PPM1E: variants seen among roughly 807,000 people sequenced by gnomAD.
PPM1E encodes the protein protein phosphatase, Mg2+/Mn2+ dependent 1E, also known as protein phosphatase 1E.
Under a neutral mutation model 65.9 loss-of-function variants are expected in PPM1E, and 20 were observed. The ratio of observed to expected loss-of-function variants is 0.30; its 90% CI spans 0.21 to 0.44. PPM1E has a LOEUF of 0.44. Among genes scored for constraint, PPM1E ranks in the 20% least tolerant of loss-of-function variants. The probability of loss-of-function intolerance (pLI) is 1.00; values close to 1 mark genes in which losing one functional copy is unlikely to be tolerated. For synonymous variants in PPM1E, 352 were observed against 374.9 expected (o/e 0.94, Z 0.70); for missense variants, 713 against 953.1 (o/e 0.75, Z 3.32).
chr17:58,838,581 A>C (rs1391324871), intron 1 of PPM1E, among the ~76,000 whole-genome samples: 1 of 152,264 alleles, frequency 6.6e-6, no homozygotes, highest in Admixed American at 6.5e-5. Flanking sequence ...AAAATGATAT[A>C]GCCACTTTGG....
intron 3 of PPM1E, 136 bp downstream of exon 3, chr17:58,966,029 T>C: frequency 1.1e-6 from 1 of 884,106 alleles, no homozygotes; most frequent in Non-Finnish European, 1.7e-6. Context: ...AAGTGCAAAG[T>C]GGCACAAATT....
chr17:58,778,044 C>A (rs1021261514), intron 1 of PPM1E, among the ~76,000 whole-genome samples: 3 of 152,120 alleles, frequency 2.0e-5, no homozygotes, highest in African/African-American at 7.2e-5. Flanking sequence ...GTCTTCCCAT[C>A]TCAGCCTCCT....
intron 1 of PPM1E, among the ~76,000 whole-genome samples, chr17:58,792,052 A>G (rs1196097321): frequency 6.6e-6 from 1 of 151,176 alleles, no homozygotes; most frequent in Admixed American, 6.6e-5. Context: ...TGTTTCTCCC[A>G]TTTTCTAGGG....
chr17:58,974,764 A>C (rs2030889382), intron 6 of PPM1E, among the ~76,000 whole-genome samples: 2 of 152,208 alleles, frequency 1.3e-5, no homozygotes, highest in Admixed American at 1.3e-4. Flanking sequence ...AACATGAAGA[A>C]AATCTGAAAG....
intron 1 of PPM1E, among the ~76,000 whole-genome samples, chr17:58,837,749 C>T (rs554077582): frequency 8.5e-5 from 13 of 152,116 alleles, no homozygotes; most frequent in Non-Finnish European, 1.3e-4. Flanking sequence ...CCACCCGCCT[C>T]GGCCTCCTGG....
intron 1 of PPM1E, among the ~76,000 whole-genome samples, chr17:58,890,034 A>G (rs1168453068): frequency 1.3e-5 from 2 of 152,192 alleles, no homozygotes; most frequent in Admixed American, 6.5e-5. Context: ...TACATTAGTT[A>G]TGTTCCGTAA....
chr17:58,892,299 C>T lies in PPM1E; in HGVS notation c.465-63350C>T, dbSNP rs1400721189. Among the ~76,000 whole-genome samples, 3 of 152,104 alleles carry T rather than the reference C, an allele frequency of 2.0e-5. No individual in the cohort carries two copies. The East Asian group carries it at 5.8e-4, about 29-fold the overall frequency. ...TAATTTTGAAATATTTCAAGGCCGG[C>T]ATGGTGGCTCATGCCTATAATCCTA... On this transcript the variant is annotated intron_variant, in intron 1 of 6. Coordinates refer to ENST00000308249, the MANE Select transcript of PPM1E (RefSeq NM_014906.5).
chr17:58,967,253 A>C (rs1186546789), intron 3 of PPM1E, among the ~76,000 whole-genome samples: 1 of 152,174 alleles, frequency 6.6e-6, no homozygotes, highest in Non-Finnish European at 1.5e-5. Context: ...AATGCAGAAA[A>C]GTCTTAGGCA....
intron 3 of PPM1E, chr17:58,966,577 G>A (rs1484658851): frequency 1.2e-5 from 2 of 172,102 alleles, no homozygotes; most frequent in Non-Finnish European, 2.4e-5. Context: ...TTAAAATCTT[G>A]GTCTCTGAGA....
chr17:58,765,824 A>G (rs1011256629), intron 1 of PPM1E, among the ~76,000 whole-genome samples: 8 of 149,842 alleles, frequency 5.3e-5, no homozygotes, highest in African/African-American at 1.7e-4. Flanking sequence ...AAAGTATTTG[A>G]CCTGCTTTTT....
intron 1 of PPM1E, among the ~76,000 whole-genome samples, chr17:58,936,064 C>G (rs1032058459): frequency 6.6e-6 from 1 of 151,476 alleles, no homozygotes; most frequent in Non-Finnish European, 1.5e-5. Context: ...AGGAACTAGT[C>G]CTTTGGTAGA....
intron 2 of PPM1E, 43 bp downstream of exon 2, chr17:58,955,810 T>G (rs1381039999): frequency 6.5e-7 from 1 of 1,545,776 alleles, no homozygotes. Context: ...TACTAGAATC[T>G]TCTATATGTA....
intron 1 of PPM1E, among the ~76,000 whole-genome samples, chr17:58,859,291 G>GA (rs1399773898): frequency 6.6e-6 from 1 of 152,134 alleles, no homozygotes; most frequent in African/African-American, 2.4e-5. Context: ...TCATTTACAG[G>GA]AAAAAACAGA....
chr17:58,840,260 G>C (rs2050705117), intron 1 of PPM1E, among the ~76,000 whole-genome samples: 1 of 152,138 alleles, frequency 6.6e-6, no homozygotes, highest in African/African-American at 2.4e-5. Context: ...GTTGGGGCTT[G>C]GTCATATAGA....
intron 1 of PPM1E, among the ~76,000 whole-genome samples, chr17:58,889,529 G>T (rs2051320386): frequency 6.6e-6 from 1 of 152,152 alleles, no homozygotes; most frequent in African/African-American, 2.4e-5. Context: ...AACCCAGGAG[G>T]CGGAGGTTGC....
chr17:58,783,114 A>G (rs561874708), intron 1 of PPM1E, among the ~76,000 whole-genome samples: 53 of 152,334 alleles, frequency 3.5e-4, no homozygotes, highest in African/African-American at 1.1e-3. Context: ...TTGAGGAATT[A>G]TTGAGAATAG....
At chr17:58,888,022 A>T (rs2051297385) in intron 1 of PPM1E, among the ~76,000 whole-genome samples, 1 of 152,224 alleles carries the variant, frequency 6.6e-6, no homozygotes, top group African/African-American at 2.4e-5. Context: ...CATAAATTCA[A>T]TGATTTTGAC....
At chr17:58,879,934 T>TA (rs2051174526) in intron 1 of PPM1E, among the ~76,000 whole-genome samples, 1 of 152,142 alleles carries the variant, frequency 6.6e-6, no homozygotes, top group Non-Finnish European at 1.5e-5. Flanking sequence ...GTCTGAGAAT[T>TA]AAATTGACAT....
chr17:58,923,284 CA>C (rs60557317), intron 1 of PPM1E, among the ~76,000 whole-genome samples: 49,633 of 102,234 alleles, frequency 0.49, 8,957 homozygotes, highest in South Asian at 0.54. Flanking sequence ...GACCCTATCT[CA>C]AAAAAAAAAA....
Sources: gnomAD v4.1 joint callset for allele counts (sites outside exome capture counted in the v4.1 genomes callset) on GRCh38, gnomAD v4.1.1 for gene constraint, MANE v1.5 for transcripts, NCBI Gene and HGNC (gene_info 2026-07-23, HGNC 2026-07-21) for gene names.